The following RXFP1 variants were observed in gnomAD, a reference collection of about 807,000 sequenced individuals.
RXFP1 encodes relaxin family peptide receptor 1.
Under a neutral mutation model 89.8 loss-of-function variants are expected in RXFP1, and 73 were observed. The observed-to-expected ratio is 0.81, with a 90% CI of 0.67 to 0.99. The LOEUF (loss-of-function observed/expected upper bound fraction) is 0.99. Ranked by LOEUF, RXFP1 falls within the 50% of genes least tolerant of loss-of-function variation. The pLI is 0.00. For missense variants in RXFP1, 793 were observed against 895.5 expected, an observed-to-expected ratio of 0.89 and a Z score of 1.46; for synonymous variants, 277 against 305.5, an observed-to-expected ratio of 0.91 and a Z score of 0.97.
chr4:158,620,976 A>G (rs1292702719), intron 9 of RXFP1, among the ~76,000 whole-genome samples: 1 of 151,938 alleles, frequency 6.6e-6, no homozygotes. Context: ...TTTTTAAAAA[A>G]TTAGCTGAGC....
chr4:158,619,632 C>T (rs1765225772), intron 9 of RXFP1, among the ~76,000 whole-genome samples: 1 of 152,112 alleles, frequency 6.6e-6, no homozygotes, highest in Admixed American at 6.5e-5. Context: ...GTAAGGAAAC[C>T]AGACAGAGCC....
At chr4:158,638,899 A>G (rs991211959) in intron 13 of RXFP1, among the ~76,000 whole-genome samples, 1 of 152,106 alleles carries the variant, frequency 6.6e-6, no homozygotes, top group Non-Finnish European at 1.5e-5. Context: ...AAATTTATTA[A>G]TTAAAAATTA....
chr4:158,604,208 C>T (rs926980816), intron 4 of RXFP1, among the ~76,000 whole-genome samples: 3 of 152,030 alleles, frequency 2.0e-5, no homozygotes, highest in Non-Finnish European at 2.9e-5. Context: ...GTTAAGTTAA[C>T]CTCCAGACAA....
intron 3 of RXFP1, among the ~76,000 whole-genome samples, chr4:158,595,801 T>C (rs746718802): frequency 1.3e-5 from 2 of 152,164 alleles, no homozygotes; most frequent in African/African-American, 2.4e-5. Flanking sequence ...CAGCAATCTG[T>C]CTCAGCATCA....
chr4:158,571,685 T>A (rs963257672), intron 1 of RXFP1, among the ~76,000 whole-genome samples: 2 of 151,700 alleles, frequency 1.3e-5, no homozygotes, highest in East Asian at 1.9e-4. Flanking sequence ...GAAAAAAAAA[T>A]AAGAAATGGT....
chr4:158,560,098 G>T (rs936071478), intron 1 of RXFP1, among the ~76,000 whole-genome samples: 1 of 152,226 alleles, frequency 6.6e-6, no homozygotes, highest in Non-Finnish European at 1.5e-5. Context: ...CCAGGTAGCT[G>T]CAGGTAATGA....
chr4:158,628,106 T>C (rs1168857752), intron 10 of RXFP1, among the ~76,000 whole-genome samples: 1 of 152,204 alleles, frequency 6.6e-6, no homozygotes, highest in Non-Finnish European at 1.5e-5. Context: ...TCCTCTAGGC[T>C]AGCTGGTAAC....
chr4:158,522,139 A>C, intron 1 of RXFP1, 114 bp downstream of exon 1: 1 of 625,846 alleles, frequency 1.6e-6, no homozygotes, highest in Non-Finnish European at 2.7e-6. Flanking sequence ...CTTGCTGATA[A>C]AATTGTAATC....
Position 158,638,092 on chromosome 4 carries a change from A to G in RXFP1, c.1043+13A>G, listed in dbSNP as rs1297921713. The G allele has an allele frequency of 6.8e-7, 1 of 1,472,684 alleles. No homozygotes were observed. Among genetic ancestry groups the G allele is most frequent in the Non-Finnish European group, 9.4e-7 (1 of 1,062,130 alleles). 91.2% of individuals were successfully genotyped at this position (1,472,684 alleles called of 1,614,324 possible). A position where few individuals can be genotyped will look rare whatever the true frequency, so the allele number is the denominator to read the frequency against. The stretch of plus-strand genomic sequence containing the variant: ...AACTCAAGTCTCTGTAAGTATTCAC[A>G]TATGGGGATAGTTTTATGATAAAAT... On this transcript the variant is annotated intron_variant, in intron 13 of 17. Transcript: ENST00000307765.
At chr4:158,546,777 C>A (rs1179777241) in intron 1 of RXFP1, among the ~76,000 whole-genome samples, 4 of 151,840 alleles carry the variant, frequency 2.6e-5, no homozygotes, top group African/African-American at 9.7e-5. Flanking sequence ...GTTGAACCAG[C>A]CTTGCATCCC....
At chr4:158,635,275 T>G (rs182949890) in intron 12 of RXFP1, among the ~76,000 whole-genome samples, 2 of 152,346 alleles carry the variant, frequency 1.3e-5, no homozygotes, top group Non-Finnish European at 1.5e-5. Flanking sequence ...TATTATTCTT[T>G]TGATGCTATT....
At chr4:158,547,233 G>C (rs1214790401) in intron 1 of RXFP1, among the ~76,000 whole-genome samples, 1 of 152,154 alleles carries the variant, frequency 6.6e-6, no homozygotes, top group East Asian at 1.9e-4. Flanking sequence ...TAGTTTATTT[G>C]TGTAGAGGTG....
At chr4:158,549,941 A>G (rs1270920541) in intron 1 of RXFP1, among the ~76,000 whole-genome samples, 1 of 152,198 alleles carries the variant, frequency 6.6e-6, no homozygotes, top group Non-Finnish European at 1.5e-5. Flanking sequence ...TCAGATCTCC[A>G]GCTGCATGCT....
At chr4:158,614,830 A>G (rs1379841262) in intron 8 of RXFP1, among the ~76,000 whole-genome samples, 1 of 152,180 alleles carries the variant, frequency 6.6e-6, no homozygotes, top group African/African-American at 2.4e-5. Context: ...GACTTATCTC[A>G]GCTTTCAAAA....
chr4:158,555,104 A>C (rs1421254670), intron 1 of RXFP1, among the ~76,000 whole-genome samples: 1 of 152,212 alleles, frequency 6.6e-6, no homozygotes, highest in Admixed American at 6.5e-5. Context: ...ATGATATTAA[A>C]ATTTTCCATA....
At chr4:158,587,031 C>A (rs1758428775) in intron 2 of RXFP1, among the ~76,000 whole-genome samples, 3 of 152,210 alleles carry the variant, frequency 2.0e-5, no homozygotes, top group Admixed American at 1.3e-4. Context: ...AATTTCCTAG[C>A]AGCAGTGAAA....
chr4:158,531,725 C>T (rs1273439904), intron 1 of RXFP1, among the ~76,000 whole-genome samples: 3 of 152,128 alleles, frequency 2.0e-5, no homozygotes, highest in African/African-American at 7.2e-5. Flanking sequence ...ATAGTGTAAA[C>T]ATTTTCATGT....
chr4:158,633,966 T>C (rs1386144114), intron 12 of RXFP1, among the ~76,000 whole-genome samples: 2 of 152,246 alleles, frequency 1.3e-5, no homozygotes, highest in African/African-American at 4.8e-5. Flanking sequence ...TTGCCTATTG[T>C]GGATAATGTT....
Position 158,623,508 on chromosome 4 carries a change from A to AAAAAAAAAAAAAAAAAAAAAAAC in RXFP1, c.756-3294_756-3293insAAAACAAAAAAAAAAAAAAAAAA. ...CAAGAGTGAAACTCCATCTCAAAAAAAAAAAAAAAAAAAAAAAAGATAATC... is the reference window on the plus strand; with the variant it reads ...CAAGAGTGAAACTCCATCTCAAAAAAAAAAAAAAAAAAAAAAAAAAAACAAAAAAAAAAAAAAAAAAGATAATC... On this transcript the variant is annotated intron_variant, in intron 9 of 17. Transcript: ENST00000307765. Among the ~76,000 whole-genome samples the AAAAAAAAAAAAAAAAAAAAAAAC allele has an allele frequency of 1.4e-5, 2 of 148,006 alleles. 1 individual carries two copies. The highest frequency in any genetic ancestry group is 3.0e-5 in the Non-Finnish European group (2 of 66,748).
Sources: gnomAD v4.1 joint callset for allele counts (sites outside exome capture counted in the v4.1 genomes callset) on GRCh38, gnomAD v4.1.1 for gene constraint, MANE v1.5 for transcripts, NCBI Gene and HGNC (gene_info 2026-07-23, HGNC 2026-07-21) for gene names.